The following FARP1 variants were observed in gnomAD, a reference collection of about 807,000 sequenced individuals.
FARP1 encodes the protein FERM, ARH/RhoGEF and pleckstrin domain protein 1, also known as FERM, ARHGEF and pleckstrin domain-containing protein 1.
FARP1 carries 52 observed loss-of-function variants against 128.8 expected under a neutral mutation model. The ratio of observed to expected loss-of-function variants is 0.40; its 90% CI spans 0.32 to 0.51. FARP1 has a LOEUF of 0.51. Among genes scored for constraint, FARP1 ranks in the 20% least tolerant of loss-of-function variants. The pLI is 0.45. For synonymous variants in FARP1, 580 were observed against 551.8 expected, an observed-to-expected ratio of 1.05 and a Z score of -0.72; for missense variants, 1,333 against 1,367.9, an observed-to-expected ratio of 0.97 and a Z score of 0.40.
chr13:98,305,005 G>A (rs1750614162), intron 2 of FARP1, among the ~76,000 whole-genome samples: 1 of 152,084 alleles, frequency 6.6e-6, no homozygotes, highest in Non-Finnish European at 1.5e-5. Context: ...ATTAGGCATG[G>A]CCATAATGCT....
At chr13:98,392,679 A>C (rs977699861) in intron 11 of FARP1, among the ~76,000 whole-genome samples, 6 of 152,222 alleles carry the variant, frequency 3.9e-5, no homozygotes, top group African/African-American at 1.4e-4. Flanking sequence ...TTGCCTATTG[A>C]GAACCATCCA....
intron 8 of FARP1, among the ~76,000 whole-genome samples, chr13:98,386,150 T>G (rs1890085204): frequency 6.6e-6 from 1 of 151,962 alleles, no homozygotes; most frequent in Non-Finnish European, 1.5e-5. Context: ...AAACACCTTT[T>G]TCACACTTAC....
At chr13:98,263,303 C>T (rs185816278) in intron 2 of FARP1, among the ~76,000 whole-genome samples, 149 of 152,212 alleles carry the variant, frequency 9.8e-4, no homozygotes, top group African/African-American at 1.5e-3. Context: ...CCACCACGCC[C>T]GGCCACACTA....
chr13:98,328,423 G>T (rs1033296898), intron 2 of FARP1: 1 of 152,192 alleles, frequency 6.6e-6, no homozygotes. Context: ...CCTTCAACAA[G>T]TATAAAGCCC....
At chr13:98,268,828 T>C (rs1247790308) in intron 2 of FARP1, among the ~76,000 whole-genome samples, 1 of 148,712 alleles carries the variant, frequency 6.7e-6, no homozygotes, top group Non-Finnish European at 1.5e-5. Context: ...GTATACAGCT[T>C]CCCAAGTAGC....
intron 2 of FARP1, among the ~76,000 whole-genome samples, chr13:98,242,613 A>T (rs1882838292): frequency 6.6e-6 from 1 of 152,166 alleles, no homozygotes; most frequent in Non-Finnish European, 1.5e-5. Context: ...AAGGAGGTTG[A>T]TGCTGCAGAG....
chr13:98,345,135 A>G (rs900141497), intron 3 of FARP1, among the ~76,000 whole-genome samples: 1 of 152,244 alleles, frequency 6.6e-6, no homozygotes, highest in Non-Finnish European at 1.5e-5. Flanking sequence ...ATTTCATGGT[A>G]AAATAATGAT....
At position 98,388,476 on chromosome 13, in the gene FARP1, A is replaced by C. The variant is rs776344276; in HGVS notation, c.853A>C (p.Asn285His). Reference protein sequence around the residue: ...RFLIKLRPDANSAYQDTLEFL... With the variant: ...RFLIKLRPDAHSAYQDTLEFL... ...TCTCATCAAGCTCCGGCCAGATGCCAATGTAAGTGGTCCTGGCGGGAAAGG... is the reference window on the plus strand; with the variant it reads ...TCTCATCAAGCTCCGGCCAGATGCCCATGTAAGTGGTCCTGGCGGGAAAGG... Residue 285 changes from asparagine to histidine, a missense_variant and splice_region_variant, in exon 9 of 27, where the codon AAT becomes CAT. Asn to His is a moderately conservative substitution (Grantham distance 68, BLOSUM62 1). Coordinates refer to ENST00000319562, the MANE Select transcript of FARP1 (RefSeq NM_005766.4). 2 of 1,612,254 alleles carry C rather than the reference A, an allele frequency of 1.2e-6. No homozygotes were observed. The highest frequency in any genetic ancestry group is 1.7e-6 in the Non-Finnish European group (2 of 1,178,420).
intron 2 of FARP1, among the ~76,000 whole-genome samples, chr13:98,254,891 C>G (rs1397412057): frequency 6.6e-6 from 1 of 150,936 alleles, no homozygotes. Context: ...TTGGCTGTAG[C>G]TGGGGCAAAG....
intron 4 of FARP1, among the ~76,000 whole-genome samples, chr13:98,367,572 G>T (rs1248484279): frequency 6.7e-6 from 1 of 148,450 alleles, no homozygotes; most frequent in Non-Finnish European, 1.5e-5. Context: ...TCCTGATTTT[G>T]TCTAAACTCA....
intron 1 of FARP1, among the ~76,000 whole-genome samples, chr13:98,149,465 G>A (rs1401756824): frequency 6.6e-6 from 1 of 151,762 alleles, no homozygotes; most frequent in African/African-American, 2.4e-5. Context: ...TTTCCTCCTG[G>A]GTCTTTAAGT....
intron 1 of FARP1, among the ~76,000 whole-genome samples, chr13:98,169,930 T>C (rs1342132014): frequency 2.6e-5 from 4 of 152,204 alleles, no homozygotes; most frequent in Non-Finnish European, 5.9e-5. Context: ...ATTAGGGCTT[T>C]AGGAAGATTC....
intron 1 of FARP1, among the ~76,000 whole-genome samples, chr13:98,207,489 C>T (rs143929582): frequency 6.6e-6 from 1 of 152,128 alleles, no homozygotes; most frequent in African/African-American, 2.4e-5. Context: ...GGTCTGAGCA[C>T]CTTTAGGCTG....
rs756323595 is a variant in FARP1 at position 98,213,234 on chromosome 13, G to A, written c.-9G>A. Reference sequence around the variant, plus strand: ...GCTTCCTGCAGATATTCTCTAAGCCGCTTTCATCATGGGAGAAATAGAGCA... The same window carrying A: ...GCTTCCTGCAGATATTCTCTAAGCCACTTTCATCATGGGAGAAATAGAGCA... On this transcript the variant is annotated 5_prime_UTR_variant, in exon 2 of 27. Transcript: ENST00000319562. 1.2e-4 allele frequency: 198 copies of A among 1,609,602 alleles called. No individual in the cohort carries two copies. The highest frequency in any genetic ancestry group is 1.6e-4 in the Non-Finnish European group (194 of 1,178,638).
chr13:98,314,818 T>C (rs1886652567), intron 2 of FARP1, among the ~76,000 whole-genome samples: 1 of 152,134 alleles, frequency 6.6e-6, no homozygotes, highest in Admixed American at 6.5e-5. Context: ...TCTAGGGAAA[T>C]AGGATGAGCC....
intron 1 of FARP1, among the ~76,000 whole-genome samples, chr13:98,153,273 T>TA (rs1284485538): frequency 1.7e-4 from 6 of 35,716 alleles, no homozygotes; most frequent in Admixed American, 6.1e-4. Flanking sequence ...ATAATAACCT[T>TA]TATATATATA....
intron 2 of FARP1, among the ~76,000 whole-genome samples, chr13:98,291,311 C>G (rs1218563154): frequency 6.6e-6 from 1 of 152,164 alleles, no homozygotes; most frequent in African/African-American, 2.4e-5. Context: ...GAAAGGCCTT[C>G]CTCCTCATCG....
chr13:98,300,395 C>A (rs1028119577), intron 2 of FARP1, among the ~76,000 whole-genome samples: 1 of 152,192 alleles, frequency 6.6e-6, no homozygotes, highest in African/African-American at 2.4e-5. Flanking sequence ...TCTCTATCAT[C>A]GTTCTAACCG....
chr13:98,260,363 T>G (rs759032611), intron 2 of FARP1, among the ~76,000 whole-genome samples: 1 of 152,248 alleles, frequency 6.6e-6, no homozygotes, highest in Non-Finnish European at 1.5e-5. Context: ...TATTGATAGG[T>G]GAAACACTGC....
Sources: allele counts gnomAD v4.1 joint callset (sites outside exome capture counted in the v4.1 genomes callset), GRCh38; gene constraint gnomAD v4.1.1; transcripts MANE v1.5; gene names NCBI Gene and HGNC (gene_info 2026-07-23, HGNC 2026-07-21).